ERCC6L2: variants seen among roughly 807,000 people sequenced by gnomAD.
The protein encoded by ERCC6L2 is ERCC excision repair 6 like 2.
A neutral mutation model predicts 132.0 loss-of-function variants in ERCC6L2; 77 were observed. The ratio of observed to expected loss-of-function variants is 0.58; its 90% CI spans 0.49 to 0.71. The LOEUF (loss-of-function observed/expected upper bound fraction) is 0.71. ERCC6L2 is among the 30% of genes least tolerant of loss of function. The probability of loss-of-function intolerance (pLI) is 0.00; values close to 1 mark genes in which losing one functional copy is unlikely to be tolerated. For synonymous variants in ERCC6L2, 583 were observed against 632.4 expected (o/e 0.92, Z 1.17); for missense variants, 1,542 against 1,837.6 (o/e 0.84, Z 2.94).
At chr9:95,904,977 A>G (rs1329812056) in intron 3 of ERCC6L2, 1 of 152,156 alleles carries the variant, frequency 6.6e-6, no homozygotes, top group African/African-American at 2.4e-5. Flanking sequence ...TTTTAGCTTC[A>G]GAATAAGAAT....
chr9:95,972,190 T>C lies in ERCC6L2; in HGVS notation c.2439T>C (p.Thr813=), dbSNP rs1832445585. 2.3e-6 allele frequency: 3 copies of C among 1,304,290 alleles called. No homozygotes were observed. Among genetic ancestry groups the C allele is most frequent in the South Asian group, 1.2e-5 (1 of 81,026 alleles). 80.8% of individuals were successfully genotyped at this position (1,304,290 alleles called of 1,614,324 possible). A position where few individuals can be genotyped will look rare whatever the true frequency, so the allele number is the denominator to read the frequency against. Residue 813 remains threonine, a synonymous_variant, in exon 16 of 19, where the codon ACT becomes ACC. Transcript: ENST00000653738. The part of the protein sequence containing the change: ...CKAVEDSDGN[T]ASDDESSDEQ... ...CAGTTGAGGATAGTGATGGAAATAC[T>C]GCCTCTGATGATGAAAGTTCTGATG...
chr9:95,935,790 A>G (rs573897182), intron 11 of ERCC6L2, among the ~76,000 whole-genome samples: 7 of 152,262 alleles, frequency 4.6e-5, no homozygotes, highest in African/African-American at 1.7e-4. Context: ...ATGAATAGGA[A>G]TTAATGGGTT....
At chr9:95,936,804 A>T (rs1237667658) in intron 11 of ERCC6L2, among the ~76,000 whole-genome samples, 2 of 152,152 alleles carry the variant, frequency 1.3e-5, no homozygotes, top group Non-Finnish European at 2.9e-5. Flanking sequence ...AGCCCTGGAA[A>T]CCACTAATCT....
intron 11 of ERCC6L2, among the ~76,000 whole-genome samples, chr9:95,930,971 C>G (rs1335654523): frequency 6.6e-6 from 1 of 152,082 alleles, no homozygotes. Flanking sequence ...CGGTTATTGT[C>G]CATAGGTTGG....
chr9:96,026,197 G>C (rs773123452), intron 19 of ERCC6L2, among the ~76,000 whole-genome samples: 30 of 152,226 alleles, frequency 2.0e-4, no homozygotes, highest in Non-Finnish European at 3.1e-4. Context: ...AAGCAAGCTA[G>C]AAAACTGGGC....
At chr9:96,003,346 C>G (rs997814942) in intron 17 of ERCC6L2, among the ~76,000 whole-genome samples, 1 of 152,120 alleles carries the variant, frequency 6.6e-6, no homozygotes, top group African/African-American at 2.4e-5. Flanking sequence ...TTCACTAGTT[C>G]TGGACAAATT....
chr9:95,988,076 A>G (rs1564288111), intron 17 of ERCC6L2, among the ~76,000 whole-genome samples: 2 of 152,120 alleles, frequency 1.3e-5, no homozygotes, highest in African/African-American at 4.8e-5. Context: ...CCATTTTTCT[A>G]CGAAACCATT....
At chr9:95,909,776 T>G (rs1829256595) in intron 4 of ERCC6L2, among the ~76,000 whole-genome samples, 1 of 152,188 alleles carries the variant, frequency 6.6e-6, no homozygotes, top group Non-Finnish European at 1.5e-5. Flanking sequence ...TATGTAAGCC[T>G]TTTTTGGACA....
chr9:95,923,133 A>G (rs536798983), intron 8 of ERCC6L2, 127 bp from the exon 9 acceptor site: 3 of 1,128,816 alleles, frequency 2.7e-6, no homozygotes, highest in South Asian at 1.8e-5. Context: ...AGTCTGACTT[A>G]GGGAAGCAAA....
At chr9:95,882,460 A>G (rs1008568183) in intron 2 of ERCC6L2, among the ~76,000 whole-genome samples, 3 of 152,214 alleles carry the variant, frequency 2.0e-5, no homozygotes, top group Admixed American at 6.5e-5. Flanking sequence ...ATTTTATACT[A>G]AACGATCACT....
chr9:95,955,177 T>C (rs763723562), intron 12 of ERCC6L2, among the ~76,000 whole-genome samples: 3 of 152,190 alleles, frequency 2.0e-5, no homozygotes, highest in Non-Finnish European at 2.9e-5. Context: ...ATTAGCACTA[T>C]GGTCTGTATG....
chr9:96,037,483 T>C (rs764953289), intron 19 of ERCC6L2, among the ~76,000 whole-genome samples: 12 of 152,338 alleles, frequency 7.9e-5, no homozygotes, highest in Middle Eastern at 3.4e-3. Context: ...TTTTCCAAGA[T>C]AAATTAACTG....
At chr9:96,028,089 C>T (rs1402753937) in intron 19 of ERCC6L2, 1 of 152,172 alleles carries the variant, frequency 6.6e-6, no homozygotes, top group East Asian at 1.9e-4. Flanking sequence ...CCCGAGGGCA[C>T]CCTGCAAACT....
chr9:95,892,116 T>A (rs1229450199), intron 2 of ERCC6L2, among the ~76,000 whole-genome samples: 1 of 152,188 alleles, frequency 6.6e-6, no homozygotes, highest in Non-Finnish European at 1.5e-5. Flanking sequence ...ATTTAAAAAA[T>A]AGGACTATTA....
At position 95,922,434 on chromosome 9, in the gene ERCC6L2, T is replaced by C; in HGVS notation, c.1413+16T>C. ...CAAACAACAGGTTTGGTTAGCATTTTACATTTCTTTGTGATGCTATTGTTG... is the reference window on the plus strand; with the variant it reads ...CAAACAACAGGTTTGGTTAGCATTTCACATTTCTTTGTGATGCTATTGTTG... On this transcript the variant is annotated intron_variant, in intron 8 of 18. Transcript: ENST00000653738. The C allele has an allele frequency of 2.8e-6, 4 of 1,449,952 alleles. No homozygotes were observed. The highest frequency in any genetic ancestry group is 3.9e-6 in the Non-Finnish European group (4 of 1,034,298). 89.8% of individuals were successfully genotyped at this position (1,449,952 alleles called of 1,614,324 possible).
intron 13 of ERCC6L2, among the ~76,000 whole-genome samples, chr9:95,960,779 C>T (rs1364110772): frequency 2.6e-5 from 4 of 152,068 alleles, no homozygotes; most frequent in Non-Finnish European, 5.9e-5. Context: ...ACTATAGGTG[C>T]GTGCTACCAC....
At chr9:95,930,753 G>A (rs2026032) in intron 11 of ERCC6L2, among the ~76,000 whole-genome samples, 22,476 of 151,776 alleles carry the variant, frequency 0.15, 1,757 homozygotes, top group South Asian at 0.24. Flanking sequence ...TTGGTTTGCC[G>A]CCATGTTTTA....
chr9:95,963,776 TGTCCTTCAGTCTAG>T (rs1287014905), intron 13 of ERCC6L2, among the ~76,000 whole-genome samples: 3 of 152,086 alleles, frequency 2.0e-5, no homozygotes, highest in Admixed American at 6.6e-5. Context: ...TTGTGTAGGA[TGTCCTTCAGTCTAG>T]GTCCATTTGA....
At chr9:95,896,567 A>G (rs1828478618) in intron 2 of ERCC6L2, among the ~76,000 whole-genome samples, 1 of 151,886 alleles carries the variant, frequency 6.6e-6, no homozygotes, top group Non-Finnish European at 1.5e-5. Flanking sequence ...TGATACAGGC[A>G]TGAGCCACCC....
Sources: gnomAD v4.1 joint callset for allele counts (sites outside exome capture counted in the v4.1 genomes callset) on GRCh38, gnomAD v4.1.1 for gene constraint, MANE v1.5 for transcripts, NCBI Gene and HGNC (gene_info 2026-07-23, HGNC 2026-07-21) for gene names.